Variants in FOCAD observed in about 807,000 individuals in gnomAD.
The protein encoded by FOCAD is focadhesin, also known as KIAA1797.
A neutral mutation model predicts 225.6 loss-of-function variants in FOCAD; 198 were observed. The ratio of observed to expected loss-of-function variants is 0.88; its 90% CI spans 0.78 to 0.99. FOCAD has a LOEUF of 0.99. FOCAD is among the 50% of genes least tolerant of loss of function. FOCAD has a pLI of 0.00. For missense variants in FOCAD, 2,713 were observed against 2,123.6 expected (o/e 1.28, Z -5.46); for synonymous variants, 897 against 755.0 (o/e 1.19, Z -3.08).
At chr9:20,795,227 ACAAT>A (rs1184715736) in intron 11 of FOCAD, among the ~76,000 whole-genome samples, 1 of 152,208 alleles carries the variant, frequency 6.6e-6, no homozygotes, top group Non-Finnish European at 1.5e-5. Context: ...CTTATTAGTA[ACAAT>A]CAGTCTTCTA....
intron 21 of FOCAD, among the ~76,000 whole-genome samples, chr9:20,901,040 T>C (rs374366872): frequency 2.0e-5 from 3 of 152,022 alleles, no homozygotes; most frequent in African/African-American, 7.2e-5. Context: ...AGAGGACAGG[T>C]CTAACAAAAA....
chr9:20,742,247 G>T (rs1827686529), intron 5 of FOCAD, among the ~76,000 whole-genome samples: 1 of 152,162 alleles, frequency 6.6e-6, no homozygotes, highest in South Asian at 2.1e-4. Context: ...AAATGAATCC[G>T]AATCTCCGCC....
intron 8 of FOCAD, 121 bp downstream of exon 8, chr9:20,770,359 T>G (rs1443121090): frequency 2.3e-6 from 2 of 888,036 alleles, no homozygotes; most frequent in East Asian, 5.3e-5. Context: ...ACAGGATGCA[T>G]GGTGCTGGCA....
chr9:20,924,169 ATTCATT>A (rs144750521), intron 25 of FOCAD, among the ~76,000 whole-genome samples: 9,241 of 152,288 alleles, frequency 0.061, 449 homozygotes, highest in East Asian at 0.23. Context: ...CAAAGTGCCT[ATTCATT>A]TTTGCAAGGC....
chr9:20,758,332 G>A, intron 6 of FOCAD, 141 bp downstream of exon 6: 1 of 448,538 alleles, frequency 2.2e-6, no homozygotes, highest in African/African-American at 2.0e-5. Context: ...AACCATCCTA[G>A]AGCAGGTTGT....
intron 22 of FOCAD, among the ~76,000 whole-genome samples, chr9:20,908,079 T>C: frequency 6.6e-6 from 1 of 152,108 alleles, no homozygotes; most frequent in East Asian, 1.9e-4. Context: ...GTTTGTGAAT[T>C]TTTAAATTTA....
At chr9:20,845,399 C>A (rs1328929595) in intron 15 of FOCAD, among the ~76,000 whole-genome samples, 1 of 141,432 alleles carries the variant, frequency 7.1e-6, no homozygotes, top group East Asian at 2.2e-4. Context: ...TTTAGTAGAA[C>A]CTGATTCTTC....
At chr9:20,829,823 A>T (rs1825304734) in intron 15 of FOCAD, among the ~76,000 whole-genome samples, 1 of 152,106 alleles carries the variant, frequency 6.6e-6, no homozygotes, top group Non-Finnish European at 1.5e-5. Context: ...TCAGCTGGAA[A>T]ACTGCTAATG....
chr9:20,874,409 TG>T (rs1404439180), intron 18 of FOCAD: 4 of 266,268 alleles, frequency 1.5e-5, no homozygotes. Context: ...TAATAATCAT[TG>T]CTTATACTGG....
chr9:20,942,708 T>A (rs1836793023), intron 28 of FOCAD, among the ~76,000 whole-genome samples: 1 of 152,150 alleles, frequency 6.6e-6, no homozygotes, highest in African/African-American at 2.4e-5. Flanking sequence ...AGCAGTATAC[T>A]AGGTGCAGCA....
chr9:20,725,725 G>T (rs1826144736), intron 4 of FOCAD, among the ~76,000 whole-genome samples: 1 of 152,174 alleles, frequency 6.6e-6, no homozygotes, highest in Non-Finnish European at 1.5e-5. Flanking sequence ...GGGTTACATT[G>T]TATAGTCTAA....
intron 11 of FOCAD, among the ~76,000 whole-genome samples, chr9:20,816,167 A>G (rs1823709273): frequency 6.6e-6 from 1 of 152,176 alleles, no homozygotes; most frequent in Non-Finnish European, 1.5e-5. Flanking sequence ...TAAATACAGT[A>G]CTTTATTTCT....
At chr9:20,724,261 G>A (rs1826020486) in intron 4 of FOCAD, among the ~76,000 whole-genome samples, 1 of 151,994 alleles carries the variant, frequency 6.6e-6, no homozygotes, top group African/African-American at 2.4e-5. Flanking sequence ...TCCATTGTGT[G>A]GATGAGCCAT....
At chr9:20,807,423 C>T (rs578036855) in intron 11 of FOCAD, among the ~76,000 whole-genome samples, 1 of 152,154 alleles carries the variant, frequency 6.6e-6, no homozygotes, top group Admixed American at 6.5e-5. Flanking sequence ...GAGCTACATA[C>T]GTAGGTTTAA....
intron 11 of FOCAD, among the ~76,000 whole-genome samples, chr9:20,794,972 A>G (rs1443849646): frequency 2.0e-5 from 3 of 152,240 alleles, no homozygotes; most frequent in Admixed American, 1.3e-4. Flanking sequence ...CTAAGCAAAC[A>G]GAGAAGAAAT....
intron 15 of FOCAD, among the ~76,000 whole-genome samples, chr9:20,846,832 A>G: frequency 6.6e-6 from 1 of 152,112 alleles, no homozygotes; most frequent in East Asian, 1.9e-4. Flanking sequence ...ATGCCAAGAG[A>G]AGACATTTTA....
At chr9:20,919,478 T>C (rs1033845779) in intron 24 of FOCAD, among the ~76,000 whole-genome samples, 2 of 152,088 alleles carry the variant, frequency 1.3e-5, no homozygotes, top group East Asian at 1.9e-4. Context: ...AAAGTTCATA[T>C]GGAACCAAAA....
At chr9:20,892,395 A>G (rs1286910396) in intron 21 of FOCAD, among the ~76,000 whole-genome samples, 1 of 152,184 alleles carries the variant, frequency 6.6e-6, no homozygotes, top group Non-Finnish European at 1.5e-5. Flanking sequence ...TACCATGTAG[A>G]TGTCATTAAG....
At chr9:20,928,830 T>C (rs547802101) in intron 26 of FOCAD, 1 of 152,404 alleles carries the variant, frequency 6.6e-6, no homozygotes, top group African/African-American at 2.4e-5. Flanking sequence ...ACCAAAAATT[T>C]TGGGAGATGT....
Sources: allele counts gnomAD v4.1 joint callset (sites outside exome capture counted in the v4.1 genomes callset), GRCh38; gene constraint gnomAD v4.1.1; transcripts MANE v1.5; gene names NCBI Gene and HGNC (gene_info 2026-07-23, HGNC 2026-07-21).